The following NCALD variants were observed in gnomAD, a reference collection of about 807,000 sequenced individuals.
NCALD encodes the protein neurocalcin delta.
A neutral mutation model predicts 18.6 loss-of-function variants in NCALD; 10 were observed. That is an observed-to-expected ratio of 0.54 (90% CI 0.33 to 0.91). The LOEUF is 0.91. Among genes scored for constraint, NCALD ranks in the 40% least tolerant of loss-of-function variants. The pLI, the probability that NCALD is intolerant of heterozygous loss-of-function variation, is 0.03. For synonymous variants in NCALD, 88 were observed against 87.4 expected (o/e 1.01, Z -0.04); for missense variants, 184 against 247.6 (o/e 0.74, Z 1.72).
At chr8:101,696,266 C>T (rs893215677) in intron 2 of NCALD, among the ~76,000 whole-genome samples, 1 of 152,190 alleles carries the variant, frequency 6.6e-6, no homozygotes, top group African/African-American at 2.4e-5. Context: ...TTGACCTAAT[C>T]CTTTCCCTCA....
At chr8:101,781,124 AT>A (rs1811996075) in intron 1 of NCALD, among the ~76,000 whole-genome samples, 6 of 152,142 alleles carry the variant, frequency 3.9e-5, no homozygotes, top group Admixed American at 3.9e-4. Flanking sequence ...TGGACCAAAG[AT>A]TGCATCTTTA....
chr8:101,819,263 CTTT>C (rs1160655461), intron 4 of NCALD, among the ~76,000 whole-genome samples: 7,962 of 148,336 alleles, frequency 0.054, 423 homozygotes, highest in African/African-American at 0.13. Flanking sequence ...AAATACATAA[CTTT>C]ATTTATTTAT....
At chr8:102,098,622 C>T (rs1460076846) in intron 1 of NCALD, among the ~76,000 whole-genome samples, 1 of 152,208 alleles carries the variant, frequency 6.6e-6, no homozygotes, top group Non-Finnish European at 1.5e-5. Flanking sequence ...TGGTAGGCCT[C>T]GTGTCATTCA....
chr8:102,018,102 G>A (rs1822151061), intron 2 of NCALD, among the ~76,000 whole-genome samples: 1 of 152,182 alleles, frequency 6.6e-6, no homozygotes, highest in African/African-American at 2.4e-5. Flanking sequence ...AGGAGCTGTG[G>A]AACAACTGAA....
chr8:102,041,436 T>G (rs1823045626), intron 1 of NCALD, among the ~76,000 whole-genome samples: 1 of 152,232 alleles, frequency 6.6e-6, no homozygotes, highest in Admixed American at 6.5e-5. Context: ...GCCTGCAGGA[T>G]GTGTGCAGTT....
At chr8:101,818,209 T>C (rs557470084) in intron 4 of NCALD, among the ~76,000 whole-genome samples, 64 of 152,322 alleles carry the variant, frequency 4.2e-4, no homozygotes, top group African/African-American at 1.4e-3. Flanking sequence ...TCTCCATTTT[T>C]CTCAGGCTCT....
At chr8:101,742,892 C>T (rs1448957580) in intron 1 of NCALD, among the ~76,000 whole-genome samples, 1 of 152,088 alleles carries the variant, frequency 6.6e-6, no homozygotes, top group Non-Finnish European at 1.5e-5. Flanking sequence ...TCTCATTGTT[C>T]AGCTCCCACC....
chr8:101,704,295 T>C (rs1034070428), intron 2 of NCALD, among the ~76,000 whole-genome samples: 1 of 152,046 alleles, frequency 6.6e-6, no homozygotes, highest in African/African-American at 2.4e-5. Context: ...AAAACAGCAA[T>C]CTACTTGAAA....
intron 4 of NCALD, among the ~76,000 whole-genome samples, chr8:101,861,840 A>G (rs79655121): frequency 0.018 from 2,745 of 152,314 alleles, 36 homozygotes; most frequent in African/African-American, 0.04. Context: ...CCTTGTTGAC[A>G]TAAGTTAGCT....
chr8:102,065,299 C>A (rs904146645), intron 1 of NCALD, among the ~76,000 whole-genome samples: 1 of 151,638 alleles, frequency 6.6e-6, no homozygotes, highest in African/African-American at 2.4e-5. Context: ...CTGCTCCATA[C>A]GCAGGCGCCA....
intron 2 of NCALD, among the ~76,000 whole-genome samples, chr8:101,962,819 T>C (rs1180087545): frequency 6.6e-6 from 1 of 152,334 alleles, no homozygotes; most frequent in South Asian, 2.1e-4. Flanking sequence ...CAATAACTTA[T>C]AATTGACCCC....
intron 1 of NCALD, among the ~76,000 whole-genome samples, chr8:101,755,569 T>C (rs1810843346): frequency 1.3e-5 from 2 of 152,172 alleles, no homozygotes; most frequent in Non-Finnish European, 1.5e-5. Context: ...AAATATCTTC[T>C]TTTTTCTATT....
At chr8:101,850,840 A>G (rs1815065199) in intron 4 of NCALD, among the ~76,000 whole-genome samples, 1 of 152,184 alleles carries the variant, frequency 6.6e-6, no homozygotes, top group Non-Finnish European at 1.5e-5. Context: ...AGCAGTAACA[A>G]TAATCAGTCC....
chr8:101,939,048 T>G (rs1818861507), intron 2 of NCALD, among the ~76,000 whole-genome samples: 1 of 152,230 alleles, frequency 6.6e-6, no homozygotes, highest in Non-Finnish European at 1.5e-5. Context: ...TTTTCACTAT[T>G]AGGAAAGGCA....
chr8:101,991,219 C>T (rs374451294), intron 2 of NCALD, among the ~76,000 whole-genome samples: 35 of 152,218 alleles, frequency 2.3e-4, no homozygotes, highest in African/African-American at 7.9e-4. Context: ...CCCTGAGTCA[C>T]CTCAGTGTGG....
intron 1 of NCALD, among the ~76,000 whole-genome samples, chr8:102,112,670 T>A (rs1231902331): frequency 2.6e-5 from 4 of 152,188 alleles, no homozygotes; most frequent in African/African-American, 9.7e-5. Context: ...AATCTTATGT[T>A]GAAATCTGAT....
intron 4 of NCALD, among the ~76,000 whole-genome samples, chr8:101,804,980 C>T (rs112085820): frequency 3.3e-5 from 5 of 151,986 alleles, no homozygotes; most frequent in East Asian, 1.9e-4. Flanking sequence ...CTTAATGACT[C>T]GGCATATATA....
In NCALD at chr8:101,879,690, C is replaced by T. The variant is rs141768629; in HGVS notation, c.-20+7451G>A. 9.4e-3 allele frequency among the ~76,000 whole-genome samples: 1,434 copies of T among 152,292 alleles called. 10 individuals carry two copies. Among genetic ancestry groups the T allele is most frequent in the Non-Finnish European group, 0.014 (953 of 68,012 alleles). On this transcript the variant is annotated intron_variant, in intron 4 of 6. Coordinates refer to the NCALD transcript ENST00000311028. ...GCTGATTGGTCTGTTTTACAGAGCA[C>T]TCATTGGTCCGTTTTGACAGGGTGC...
At position 102,042,981 on chromosome 8, in the gene NCALD, C is replaced by T. The variant is rs543618940; in HGVS notation, c.-209-22692G>A. Among the ~76,000 whole-genome samples, 57 of 151,996 alleles carry T rather than the reference C, an allele frequency of 3.8e-4. 2 individuals are homozygous for T. Among genetic ancestry groups the T allele is most frequent in the African/African-American group, 1.2e-3 (49 of 41,308 alleles). ...CATTCCAATGTGGAAGAGCCAGATG[C>T]AGTCCAGTCTTGTATGTAAAAGGAA... On this transcript the variant is annotated intron_variant, in intron 1 of 6. Coordinates refer to the NCALD transcript ENST00000311028.
Sources: gnomAD v4.1 joint callset for allele counts (sites outside exome capture counted in the v4.1 genomes callset) on GRCh38, gnomAD v4.1.1 for gene constraint, MANE v1.5 for transcripts, NCBI Gene and HGNC (gene_info 2026-07-23, HGNC 2026-07-21) for gene names.